Variants in WWOX observed in about 807,000 individuals in gnomAD.
WWOX encodes WW domain-containing oxidoreductase.
A neutral mutation model predicts 46.2 loss-of-function variants in WWOX; 69 were observed. The ratio of observed to expected loss-of-function variants is 1.49; its 90% CI spans 1.23 to 1.82. WWOX has a LOEUF of 1.82. Among genes scored for constraint, WWOX ranks in the 40% most tolerant of loss-of-function variants. WWOX has a pLI of 0.00. For missense variants in WWOX, 919 were observed against 542.6 expected (o/e 1.69, Z -6.89); for synonymous variants, 359 against 202.6 (o/e 1.77, Z -6.56).
Position 79,212,260 on chromosome 16 carries a change from TTTCATTCATCCTGACCAAGA to T in WWOX, c.*465_*484del. 1 of 1,299,406 alleles carries T rather than the reference TTTCATTCATCCTGACCAAGA, an allele frequency of 7.7e-7. No homozygotes were observed. The highest frequency in any genetic ancestry group is 1.6e-5 in the South Asian group (1 of 62,840). The allele number at this position is 1,299,406 out of a possible 1,614,324, so 80.5% of individuals were successfully genotyped here. A position where few individuals can be genotyped will look rare whatever the true frequency, so the allele number is the denominator to read the frequency against. On this transcript the variant is annotated 3_prime_UTR_variant, in exon 9 of 9. Coordinates refer to ENST00000566780, the MANE Select transcript of WWOX (RefSeq NM_016373.4). ...GCTGCATTGATCCAGGAGATAATTG[TTTCATTCATCCTGACCAAGA>T]CTGAGCCAGCTTAGCAACTGCTGGG...
At chr16:78,798,921 G>T (rs1450180587) in intron 8 of WWOX, among the ~76,000 whole-genome samples, 1 of 152,152 alleles carries the variant, frequency 6.6e-6, no homozygotes, top group Non-Finnish European at 1.5e-5. Context: ...ACCACTTGCT[G>T]CCAGTGGTTT....
At chr16:78,103,339 T>C (rs2031927376) in intron 1 of WWOX, among the ~76,000 whole-genome samples, 1 of 151,726 alleles carries the variant, frequency 6.6e-6, no homozygotes, top group South Asian at 2.1e-4. Context: ...ACCTGTGCCA[T>C]GGTGACTTGC....
chr16:78,521,297 T>C (rs1222199145), intron 8 of WWOX, among the ~76,000 whole-genome samples: 2 of 152,084 alleles, frequency 1.3e-5, no homozygotes, highest in African/African-American at 4.8e-5. Context: ...CCTCAAGTGA[T>C]CCTCCCACCT....
In WWOX at chr16:78,099,741, G is replaced by T; in HGVS notation, c.-38G>T. 6.6e-7 allele frequency: 1 copy of T among 1,517,568 alleles called. No individual in the cohort carries two copies. The highest frequency in any genetic ancestry group is 8.8e-7 in the Non-Finnish European group (1 of 1,133,144). 94.0% of individuals were successfully genotyped at this position (1,517,568 alleles called of 1,614,324 possible). On this transcript the variant is annotated 5_prime_UTR_variant, in exon 1 of 9. Coordinates refer to ENST00000566780, the MANE Select transcript of WWOX (RefSeq NM_016373.4). ...AGTTCCTGAGCGAGTGGACCCGGCA[G>T]CGGGCGATAGGGGGGCCAGGTGCCT...
intron 5 of WWOX, among the ~76,000 whole-genome samples, chr16:78,363,611 C>A (rs143139100): frequency 6.6e-6 from 1 of 152,088 alleles, no homozygotes; most frequent in Admixed American, 6.5e-5. Flanking sequence ...ATAAGAAATC[C>A]ACATCTGAGA....
chr16:79,032,008 A>G (rs1450782867), intron 8 of WWOX, among the ~76,000 whole-genome samples: 1 of 144,374 alleles, frequency 6.9e-6, no homozygotes, highest in African/African-American at 2.5e-5. Context: ...GGCTGTTATT[A>G]GGTAGACTCT....
intron 6 of WWOX, among the ~76,000 whole-genome samples, chr16:78,399,063 A>T (rs2082353842): frequency 6.9e-6 from 1 of 144,320 alleles, no homozygotes; most frequent in Non-Finnish European, 1.5e-5. Context: ...AAGGAAGGGG[A>T]TAGGTGGCTG....
intron 8 of WWOX, among the ~76,000 whole-genome samples, chr16:79,175,617 T>A (rs909344615): frequency 2.0e-5 from 3 of 152,204 alleles, no homozygotes; most frequent in African/African-American, 7.2e-5. Context: ...TGACCTTCCA[T>A]GGACTGTGTC....
intron 8 of WWOX, among the ~76,000 whole-genome samples, chr16:78,785,395 G>A (rs965097012): frequency 2.0e-5 from 3 of 152,174 alleles, no homozygotes; most frequent in East Asian, 1.9e-4. Context: ...GACCCAAGGT[G>A]GTCTCACTCT....
At chr16:78,247,030 C>G (rs2037835055) in intron 5 of WWOX, among the ~76,000 whole-genome samples, 1 of 152,106 alleles carries the variant, frequency 6.6e-6, no homozygotes, top group Non-Finnish European at 1.5e-5. Flanking sequence ...AATGGCACAT[C>G]TTTCCTTGAA....
chr16:78,481,016 C>T (rs144109771), intron 8 of WWOX, among the ~76,000 whole-genome samples: 248 of 152,186 alleles, frequency 1.6e-3, no homozygotes, highest in African/African-American at 5.8e-3. Flanking sequence ...TCATCTTGTG[C>T]AAAGTAAACA....
chr16:79,024,472 T>C (rs571001429), intron 8 of WWOX, among the ~76,000 whole-genome samples: 2 of 152,048 alleles, frequency 1.3e-5, no homozygotes, highest in African/African-American at 4.8e-5. Context: ...TTTGCTCTGT[T>C]GCCCAGGCTG....
At chr16:78,225,603 A>T (rs1418424571) in intron 5 of WWOX, among the ~76,000 whole-genome samples, 1 of 152,104 alleles carries the variant, frequency 6.6e-6, no homozygotes, top group African/African-American at 2.4e-5. Flanking sequence ...CATTAAATTC[A>T]TTGAGGATTT....
intron 8 of WWOX, among the ~76,000 whole-genome samples, chr16:79,061,453 C>G (rs977557749): frequency 7.2e-5 from 11 of 152,212 alleles, no homozygotes; most frequent in African/African-American, 4.8e-5. Flanking sequence ...GCACTTGGCA[C>G]TCTGGGTGTA....
intron 5 of WWOX, among the ~76,000 whole-genome samples, chr16:78,335,085 T>A (rs2151895428): frequency 6.6e-6 from 1 of 152,284 alleles, no homozygotes; most frequent in South Asian, 2.1e-4. Context: ...CCACACATAA[T>A]GAATCAGAAG....
At position 78,217,787 on chromosome 16, in the gene WWOX, G is replaced by A. The variant is rs547789652; in HGVS notation, c.516+53498G>A. 9.7e-4 allele frequency among the ~76,000 whole-genome samples: 148 copies of A among 152,098 alleles called. 1 individual carries two copies. Among genetic ancestry groups the A allele is most frequent in the African/African-American group, 3.4e-3 (139 of 41,490 alleles). ...TGGGGGTATAGGGATAAATAATTCTGTGTGCTGTGCAGGCCGTGGAGACTC... is the reference window on the plus strand; with the variant it reads ...TGGGGGTATAGGGATAAATAATTCTATGTGCTGTGCAGGCCGTGGAGACTC... On this transcript the variant is annotated intron_variant, in intron 5 of 8. Transcript: ENST00000566780.
At chr16:78,129,246 G>A (rs936627489) in intron 4 of WWOX, among the ~76,000 whole-genome samples, 1 of 151,956 alleles carries the variant, frequency 6.6e-6, no homozygotes, top group Non-Finnish European at 1.5e-5. Context: ...TGTCATCATC[G>A]CGACGCTGTT....
chr16:78,697,081 T>C (rs903379418), intron 8 of WWOX, among the ~76,000 whole-genome samples: 8 of 152,238 alleles, frequency 5.3e-5, no homozygotes, highest in African/African-American at 1.4e-4. Flanking sequence ...CCATTTGGGC[T>C]AATTTCACAT....
chr16:79,162,208 G>C (rs1004948777), intron 8 of WWOX, among the ~76,000 whole-genome samples: 18 of 152,198 alleles, frequency 1.2e-4, no homozygotes, highest in African/African-American at 3.4e-4. Context: ...GGGTTGATGA[G>C]ATGCTGGTAT....
Sources: allele counts gnomAD v4.1 joint callset (sites outside exome capture counted in the v4.1 genomes callset), GRCh38; gene constraint gnomAD v4.1.1; transcripts MANE v1.5; gene names NCBI Gene and HGNC (gene_info 2026-07-23, HGNC 2026-07-21).